Variants in KIAA0040 observed in about 807,000 individuals in gnomAD.
The protein encoded by KIAA0040 is uncharacterized protein KIAA0040.
KIAA0040 carries 10 observed loss-of-function variants against 7.2 expected under a neutral mutation model. That is an observed-to-expected ratio of 1.38 (90% CI 0.85 to 2.34). KIAA0040 has a LOEUF of 2.34. Among genes scored for constraint, KIAA0040 ranks in the 30% most tolerant of loss-of-function variants. KIAA0040 has a pLI of 0.00. For synonymous variants in KIAA0040, 49 were observed against 40.1 expected (o/e 1.22, Z -0.84); for missense variants, 89 against 108.2 (o/e 0.82, Z 0.79).
intron 1 of KIAA0040, among the ~76,000 whole-genome samples, chr1:175,181,484 C>T (rs531692853): frequency 2.6e-5 from 4 of 152,226 alleles, no homozygotes; most frequent in Non-Finnish European, 5.9e-5. Flanking sequence ...TCTCTTCTAA[C>T]GCTTTCCCAG....
At chr1:175,190,455 C>G (rs1467735928) in intron 1 of KIAA0040, among the ~76,000 whole-genome samples, 1 of 152,236 alleles carries the variant, frequency 6.6e-6, no homozygotes, top group Non-Finnish European at 1.5e-5. Context: ...GCATATTCAA[C>G]TTTAATATGC....
At chr1:175,166,207 C>A (rs1168159077) in intron 3 of KIAA0040, among the ~76,000 whole-genome samples, 2 of 152,204 alleles carry the variant, frequency 1.3e-5, no homozygotes, top group Non-Finnish European at 2.9e-5. Context: ...GGCCTTTGCT[C>A]AAACAGCTCC....
intron 3 of KIAA0040, among the ~76,000 whole-genome samples, chr1:175,161,694 C>A (rs1222187396): frequency 6.6e-6 from 1 of 152,140 alleles, no homozygotes; most frequent in Non-Finnish European, 1.5e-5. Flanking sequence ...GTCATCAGTC[C>A]TCATCCTGCC....
chr1:175,185,753 A>G (rs1366418849), intron 1 of KIAA0040, among the ~76,000 whole-genome samples: 3 of 152,242 alleles, frequency 2.0e-5, no homozygotes, highest in East Asian at 3.8e-4. Context: ...TTCACAGCAC[A>G]CTATTCACAA....
intron 1 of KIAA0040, among the ~76,000 whole-genome samples, chr1:175,178,173 T>G (rs1344646258): frequency 2.0e-5 from 3 of 152,194 alleles, no homozygotes; most frequent in Admixed American, 2.0e-4. Context: ...CTGGGTAACT[T>G]GAATCCTCCA....
chr1:175,185,950 T>C (rs547865948), intron 1 of KIAA0040, among the ~76,000 whole-genome samples: 1 of 152,368 alleles, frequency 6.6e-6, no homozygotes, highest in South Asian at 2.1e-4. Context: ...TCACATATTG[T>C]ATAATTCCAT....
At chr1:175,192,880 A>G (rs1375396720), upstream of KIAA0040, 1 of 137,110 alleles carries the variant, frequency 7.3e-6, no homozygotes, top group African/African-American at 2.7e-5. Flanking sequence ...CGCCGAGGGC[A>G]GCGCCCTCTG....
chr1:175,164,346 A>G (rs2101878744), intron 3 of KIAA0040, among the ~76,000 whole-genome samples: 1 of 152,348 alleles, frequency 6.6e-6, no homozygotes, highest in East Asian at 1.9e-4. Context: ...GGTTTCTGAC[A>G]TCGGGAAGCC....
At chr1:175,167,628 T>C (rs1457692929) in intron 2 of KIAA0040, among the ~76,000 whole-genome samples, 2 of 152,176 alleles carry the variant, frequency 1.3e-5, no homozygotes, top group Non-Finnish European at 2.9e-5. Context: ...ACACTCTCTC[T>C]GACGTGTGAG....
At chr1:175,181,648 C>T (rs1460950586) in intron 1 of KIAA0040, among the ~76,000 whole-genome samples, 1 of 152,102 alleles carries the variant, frequency 6.6e-6, no homozygotes, top group African/African-American at 2.4e-5. Context: ...GGCGAAGTAC[C>T]ATAAGGCATG....
At chr1:175,169,436 G>A (rs188892898) in intron 2 of KIAA0040, among the ~76,000 whole-genome samples, 1 of 152,202 alleles carries the variant, frequency 6.6e-6, no homozygotes, top group Non-Finnish European at 1.5e-5. Flanking sequence ...ATAACAGGAT[G>A]TGAGAATGAA....
chr1:175,188,724 T>C (rs1677756691), intron 1 of KIAA0040, among the ~76,000 whole-genome samples: 1 of 152,146 alleles, frequency 6.6e-6, no homozygotes, highest in South Asian at 2.1e-4. Flanking sequence ...ACTTTAAGGA[T>C]TGAAACTGAG....
chr1:175,190,139 T>C (rs920400855), intron 1 of KIAA0040, among the ~76,000 whole-genome samples: 1 of 152,250 alleles, frequency 6.6e-6, no homozygotes, highest in Non-Finnish European at 1.5e-5. Context: ...GAACTAAGTA[T>C]TAATTTTTCA....
In KIAA0040 at chr1:175,161,752, A is replaced by G. The variant is rs1033316030; in HGVS notation, c.-133-606T>C. 2.0e-5 allele frequency among the ~76,000 whole-genome samples: 3 copies of G among 151,932 alleles called. 1 individual carries two copies. Among genetic ancestry groups the G allele is most frequent in the African/African-American group, 7.3e-5 (3 of 41,352 alleles). On this transcript the variant is annotated intron_variant, in intron 3 of 3. Transcript: ENST00000423313. Reference sequence around the variant, plus strand: ...CCCCTCATGATCTCTTCCCTGCTCCATGTCTCCTCCCCTCCTTATATCACA... The same window carrying G: ...CCCCTCATGATCTCTTCCCTGCTCCGTGTCTCCTCCCCTCCTTATATCACA...
intron 2 of KIAA0040, among the ~76,000 whole-genome samples, chr1:175,169,625 G>T (rs1038488444): frequency 6.6e-6 from 1 of 152,182 alleles, no homozygotes; most frequent in Non-Finnish European, 1.5e-5. Flanking sequence ...CTTTGATTAT[G>T]TAGGTCTCCT....
At chr1:175,168,277 A>T (rs72719374) in intron 2 of KIAA0040, among the ~76,000 whole-genome samples, 15 of 152,328 alleles carry the variant, frequency 9.8e-5, no homozygotes, top group Non-Finnish European at 1.8e-4. Context: ...GTAGAACATT[A>T]CATTTATTAC....
intron 2 of KIAA0040, among the ~76,000 whole-genome samples, chr1:175,170,626 T>C (rs1178621947): frequency 6.6e-6 from 1 of 152,116 alleles, no homozygotes; most frequent in Non-Finnish European, 1.5e-5. Flanking sequence ...TCTCCTGGGC[T>C]TTACCTCCCC....
intron 3 of KIAA0040, among the ~76,000 whole-genome samples, chr1:175,163,297 T>C (rs1399510163): frequency 6.6e-6 from 1 of 152,230 alleles, no homozygotes; most frequent in African/African-American, 2.4e-5. Context: ...TTATTTCTCA[T>C]TGTTAGATCC....
chr1:175,165,845 C>G (rs1387665363), intron 3 of KIAA0040, among the ~76,000 whole-genome samples: 3 of 152,220 alleles, frequency 2.0e-5, no homozygotes, highest in Non-Finnish European at 4.4e-5. Flanking sequence ...GCTGTTCCTT[C>G]CGGTGCTCTC....
Sources: allele counts gnomAD v4.1 joint callset (sites outside exome capture counted in the v4.1 genomes callset), GRCh38; gene constraint gnomAD v4.1.1; transcripts MANE v1.5; gene names NCBI Gene and HGNC (gene_info 2026-07-23, HGNC 2026-07-21).